Variants in RFX8 observed in about 807,000 individuals in gnomAD.
The protein encoded by RFX8 is regulatory factor X8, also known as DNA-binding protein RFX8.
Under a neutral mutation model 54.6 loss-of-function variants are expected in RFX8, and 46 were observed. The observed-to-expected ratio is 0.84, with a 90% CI of 0.67 to 1.08. The LOEUF is 1.08. Ranked by LOEUF, RFX8 falls within the 50% of genes least tolerant of loss-of-function variation. The pLI is 0.00. For synonymous variants in RFX8, 192 were observed against 209.5 expected (o/e 0.92, Z 0.72); for missense variants, 536 against 562.3 (o/e 0.95, Z 0.47).
intron 2 of RFX8, among the ~76,000 whole-genome samples, chr2:101,452,887 A>G (rs199726238): frequency 0.34 from 52,288 of 151,590 alleles, 9,711 homozygotes; most frequent in African/African-American, 0.44. Context: ...CAGGCGAATC[A>G]TGAGGTCAAG....
intron 1 of RFX8, chr2:101,474,394 G>C (rs1198351232): frequency 7.8e-6 from 3 of 383,070 alleles, no homozygotes; most frequent in South Asian, 1.1e-4. Flanking sequence ...AGGAGCGCGC[G>C]GGGGGCGCGC....
chr2:101,428,018 G>C (rs1407988346), intron 2 of RFX8, among the ~76,000 whole-genome samples: 1 of 151,360 alleles, frequency 6.6e-6, no homozygotes, highest in Admixed American at 6.6e-5. Context: ...TCCCGGCTGA[G>C]CGTGGTGGCT....
chr2:101,466,738 A>T, intron 2 of RFX8, 39 bp downstream of exon 2: 1 of 1,395,250 alleles, frequency 7.2e-7, no homozygotes, highest in Non-Finnish European at 9.9e-7. Context: ...CCTTTTTTGC[A>T]CTCAGTGAAT....
chr2:101,446,118 A>C (rs1030773938), intron 2 of RFX8, among the ~76,000 whole-genome samples: 33 of 152,206 alleles, frequency 2.2e-4, no homozygotes, highest in Non-Finnish European at 4.4e-4. Context: ...GCTTTAAAAA[A>C]AAAATTTCTT....
intron 2 of RFX8, among the ~76,000 whole-genome samples, chr2:101,423,768 T>C (rs1687007353): frequency 6.6e-6 from 1 of 152,136 alleles, no homozygotes; most frequent in Admixed American, 6.6e-5. Flanking sequence ...GCCCACCCTT[T>C]AGCAGAGGAG....
At chr2:101,421,118 G>A (rs1040288395) in intron 4 of RFX8, 5 of 329,480 alleles carry the variant, frequency 1.5e-5, no homozygotes, top group African/African-American at 2.2e-5. Context: ...AAATGCGCTC[G>A]TGCTGAATGA....
intron 2 of RFX8, among the ~76,000 whole-genome samples, chr2:101,435,777 T>C (rs1200905841): frequency 1.3e-5 from 2 of 152,158 alleles, no homozygotes; most frequent in Non-Finnish European, 2.9e-5. Context: ...TGCTGGACTT[T>C]GTGAGGTGGT....
chr2:101,400,712 T>G (rs1685385926), intron 11 of RFX8, among the ~76,000 whole-genome samples: 1 of 152,220 alleles, frequency 6.6e-6, no homozygotes, highest in Non-Finnish European at 1.5e-5. Context: ...CACTCCGACC[T>G]CTTGCTCCAG....
intron 2 of RFX8, among the ~76,000 whole-genome samples, chr2:101,466,154 C>T (rs1013964730): frequency 2.0e-5 from 3 of 152,086 alleles, no homozygotes; most frequent in African/African-American, 7.2e-5. Context: ...CCCTTGATGT[C>T]ACTCAGCCAT....
intron 2 of RFX8, among the ~76,000 whole-genome samples, chr2:101,447,565 T>C (rs982165226): frequency 8.5e-5 from 13 of 152,236 alleles, no homozygotes; most frequent in East Asian, 1.9e-4. Context: ...TCAGGGTGTT[T>C]AGCATATCCG....
intron 2 of RFX8, among the ~76,000 whole-genome samples, chr2:101,440,557 C>G (rs1688041153): frequency 6.6e-6 from 1 of 152,154 alleles, no homozygotes; most frequent in South Asian, 2.1e-4. Flanking sequence ...GAGGAGTGAA[C>G]TTTGTATGAT....
In RFX8 at chr2:101,448,749, C is replaced by G. The variant is rs147553822; in HGVS notation, c.72+18028G>C. 2.6e-3 allele frequency among the ~76,000 whole-genome samples: 402 copies of G among 152,274 alleles called. 11 individuals carry two copies. The East Asian group carries it at 0.054, about 21-fold the overall frequency. Reference sequence around the variant, plus strand: ...TAGGATGCTTTATACCAAAGGTGACCATATAATTCATTTTAATTTATTGTT... The same window carrying G: ...TAGGATGCTTTATACCAAAGGTGACGATATAATTCATTTTAATTTATTGTT... On this transcript the variant is annotated intron_variant, in intron 2 of 11. Transcript: ENST00000428343.
chr2:101,424,103 A>G (rs1482035776), intron 2 of RFX8, among the ~76,000 whole-genome samples: 1 of 152,216 alleles, frequency 6.6e-6, no homozygotes, highest in African/African-American at 2.4e-5. Flanking sequence ...AGATGTCTAA[A>G]TAAATACATA....
At chr2:101,411,668 C>A (rs1023387468) in intron 8 of RFX8, among the ~76,000 whole-genome samples, 3 of 151,968 alleles carry the variant, frequency 2.0e-5, no homozygotes, top group African/African-American at 7.3e-5. Flanking sequence ...CTGAAGCCTG[C>A]CAGATTAGGT....
chr2:101,399,830 A>ATTT (rs1416507888), intron 11 of RFX8, among the ~76,000 whole-genome samples: 21 of 152,234 alleles, frequency 1.4e-4, no homozygotes, highest in African/African-American at 4.8e-4. Context: ...GATTGCCCTT[A>ATTT]TCAGATTTGA....
Position 101,402,546 on chromosome 2 carries a change from G to T in RFX8, c.1135C>A (p.Pro379Thr), listed in dbSNP as rs371118069. Reference sequence around the variant, plus strand: ...ATGTGTGTGGGCATCACCCCCAGTGGCTCCATGCTGGGGCTGGCACACGCC... The same window carrying T: ...ATGTGTGTGGGCATCACCCCCAGTGTCTCCATGCTGGGGCTGGCACACGCC... ...SQACASPSME[P>T]LGVMPTHMGQ... The change falls in exon 11 of 12, where the codon CCA (proline) becomes ACA (threonine). Residue 379 changes from proline to threonine, a missense_variant. Pro to Thr is a conservative substitution (Grantham distance 38). Transcript: ENST00000428343. The T allele has an allele frequency of 1.1e-3, 1,749 of 1,551,794 alleles. 31 individuals carry two copies. In the South Asian group the frequency reaches 0.02, roughly 17 times the overall value.
At chr2:101,404,909 T>C (rs1037373289) in intron 10 of RFX8, among the ~76,000 whole-genome samples, 1 of 152,216 alleles carries the variant, frequency 6.6e-6, no homozygotes, top group Non-Finnish European at 1.5e-5. Context: ...TCTGCAAAGC[T>C]GGTCTAGAAT....
chr2:101,453,292 AAT>A (rs1688798733), intron 2 of RFX8, among the ~76,000 whole-genome samples: 1 of 69,338 alleles, frequency 1.4e-5, no homozygotes, highest in Non-Finnish European at 3.2e-5. Context: ...AAAATAAATA[AAT>A]AAAAAGAGAG....
In RFX8 at chr2:101,429,502, T is replaced by A. The variant is rs564679087; in HGVS notation, c.73-7030A>T. 5.3e-5 allele frequency among the ~76,000 whole-genome samples: 8 copies of A among 152,236 alleles called. No homozygotes were observed. The South Asian group carries it at 1.7e-3, about 32-fold the overall frequency. ...GATTCATATAAGATAATGGAGAAATTTATACATAATGGAGAACAGACTGGG... is the reference window on the plus strand; with the variant it reads ...GATTCATATAAGATAATGGAGAAATATATACATAATGGAGAACAGACTGGG... On this transcript the variant is annotated intron_variant, in intron 2 of 11. Coordinates refer to ENST00000428343, the MANE Select transcript of RFX8 (RefSeq NM_001145664.2).
Sources: allele counts gnomAD v4.1 joint callset (sites outside exome capture counted in the v4.1 genomes callset), GRCh38; gene constraint gnomAD v4.1.1; transcripts MANE v1.5; gene names NCBI Gene and HGNC (gene_info 2026-07-23, HGNC 2026-07-21).